TNFAIP8: variants seen among roughly 807,000 people sequenced by gnomAD.
TNFAIP8 encodes the protein tumor necrosis factor alpha-induced protein 8.
In TNFAIP8, 7 loss-of-function variants were observed where a neutral mutation model predicts 13.3. The ratio of observed to expected loss-of-function variants is 0.52; its 90% CI spans 0.30 to 0.99. The LOEUF is 0.99. Ranked by LOEUF, TNFAIP8 falls within the 50% of genes least tolerant of loss-of-function variation. The probability of loss-of-function intolerance (pLI) is 0.07; values close to 1 mark genes in which losing one functional copy is unlikely to be tolerated. For synonymous variants in TNFAIP8, 94 were observed against 87.6 expected, an observed-to-expected ratio of 1.07 and a Z score of -0.41; for missense variants, 258 against 236.9, an observed-to-expected ratio of 1.09 and a Z score of -0.58.
intron 1 of TNFAIP8, among the ~76,000 whole-genome samples, chr5:119,293,926 A>T (rs1749076731): frequency 6.6e-6 from 1 of 152,222 alleles, no homozygotes; most frequent in South Asian, 2.1e-4. Context: ...GCAGCGCTTT[A>T]CAGTGGTGGA....
At chr5:119,368,157 A>T (rs538383819) in intron 1 of TNFAIP8, among the ~76,000 whole-genome samples, 6 of 151,974 alleles carry the variant, frequency 3.9e-5, no homozygotes, top group African/African-American at 1.4e-4. Flanking sequence ...TTGAAATAGC[A>T]TTTTTTTCCC....
chr5:119,335,719 A>C (rs575537423), intron 1 of TNFAIP8, among the ~76,000 whole-genome samples: 1 of 152,130 alleles, frequency 6.6e-6, no homozygotes, highest in African/African-American at 2.4e-5. Flanking sequence ...AAGGCAGTGA[A>C]CAAAGCAGAT....
chr5:119,363,231 G>A (rs191931085), intron 1 of TNFAIP8, among the ~76,000 whole-genome samples: 32 of 152,314 alleles, frequency 2.1e-4, no homozygotes, highest in South Asian at 2.1e-3. Flanking sequence ...AGATTGCTTC[G>A]TCTTCCTTTT....
At chr5:119,292,559 A>T (rs1040717399) in intron 1 of TNFAIP8, among the ~76,000 whole-genome samples, 1 of 148,870 alleles carries the variant, frequency 6.7e-6, no homozygotes, top group Non-Finnish European at 1.5e-5. Context: ...ACTTATAAGC[A>T]AGTGTTAATA....
chr5:119,378,437 C>G (rs1410201486), intron 1 of TNFAIP8, among the ~76,000 whole-genome samples: 1 of 152,172 alleles, frequency 6.6e-6, no homozygotes, highest in East Asian at 1.9e-4. Flanking sequence ...GATCTAGCCT[C>G]CTGACATTAA....
intron 1 of TNFAIP8, among the ~76,000 whole-genome samples, chr5:119,323,197 A>T (rs1007639229): frequency 6.6e-6 from 1 of 152,162 alleles, no homozygotes; most frequent in African/African-American, 2.4e-5. Flanking sequence ...CTAACATCCT[A>T]TGCTGCTATT....
In TNFAIP8 at chr5:119,394,538, G is replaced by A. The variant is rs771221221; in HGVS notation, c.*1157G>A. Reference sequence around the variant, plus strand: ...GTAAAAAAGAAATGAAAATCTGCTGGCCAGCTATGTCCTCTAGGAAATGAC... The same window carrying A: ...GTAAAAAAGAAATGAAAATCTGCTGACCAGCTATGTCCTCTAGGAAATGAC... On this transcript the variant is annotated 3_prime_UTR_variant, in exon 2 of 2. Coordinates refer to ENST00000504771, the MANE Select transcript of TNFAIP8 (RefSeq NM_014350.4). 22 of 151,426 alleles carry A rather than the reference G, an allele frequency of 1.5e-4. No individual in the cohort carries two copies. The highest frequency in any genetic ancestry group is 5.3e-4 in the Admixed American group (8 of 15,214). The allele number at this position is 151,426 out of a possible 1,614,324, so 9.4% of individuals were successfully genotyped here. A position where few individuals can be genotyped will look rare whatever the true frequency, so the allele number is the denominator to read the frequency against.
chr5:119,387,066 TGA>T (rs1352823500), intron 1 of TNFAIP8, among the ~76,000 whole-genome samples: 1 of 151,788 alleles, frequency 6.6e-6, no homozygotes, highest in African/African-American at 2.4e-5. Flanking sequence ...TTTGGGATTT[TGA>T]GTATGAAAGC....
chr5:119,290,921 G>C (rs1748963433), intron 1 of TNFAIP8, among the ~76,000 whole-genome samples: 1 of 152,134 alleles, frequency 6.6e-6, no homozygotes, highest in South Asian at 2.1e-4. Context: ...GAAGGGGTCA[G>C]GGCCTGTAGG....
intron 1 of TNFAIP8, among the ~76,000 whole-genome samples, chr5:119,282,450 G>A (rs1045895938): frequency 6.6e-6 from 1 of 152,146 alleles, no homozygotes; most frequent in Non-Finnish European, 1.5e-5. Context: ...CCCTTCCCCT[G>A]AGCAGAAGGT....
chr5:119,291,832 T>G (rs1748997684), intron 1 of TNFAIP8, among the ~76,000 whole-genome samples: 1 of 152,216 alleles, frequency 6.6e-6, no homozygotes, highest in Non-Finnish European at 1.5e-5. Context: ...GCAAAGACAT[T>G]TTTGCTTTTG....
At chr5:119,348,295 A>C (rs1462960792) in intron 1 of TNFAIP8, among the ~76,000 whole-genome samples, 1 of 152,232 alleles carries the variant, frequency 6.6e-6, no homozygotes, top group East Asian at 1.9e-4. Context: ...GGTCTCCACT[A>C]GGTTGTTGAA....
At chr5:119,277,372 T>G (rs1237136652) in intron 1 of TNFAIP8, among the ~76,000 whole-genome samples, 4 of 152,256 alleles carry the variant, frequency 2.6e-5, no homozygotes, top group Non-Finnish European at 5.9e-5. Context: ...CTTTTGATTT[T>G]TTAGTGTAGA....
intron 1 of TNFAIP8, among the ~76,000 whole-genome samples, chr5:119,390,791 A>G (rs1752862748): frequency 6.6e-6 from 1 of 152,018 alleles, no homozygotes; most frequent in Non-Finnish European, 1.5e-5. Flanking sequence ...TTCAAATCTA[A>G]TTTGGTTCTT....
chr5:119,320,712 C>G (rs781670510), intron 1 of TNFAIP8, among the ~76,000 whole-genome samples: 1 of 151,898 alleles, frequency 6.6e-6, no homozygotes, highest in Non-Finnish European at 1.5e-5. Context: ...CCCCCACCCC[C>G]TCACTTCCCT....
intron 1 of TNFAIP8, among the ~76,000 whole-genome samples, chr5:119,287,715 G>A (rs1372989742): frequency 1.3e-5 from 2 of 152,106 alleles, no homozygotes; most frequent in Non-Finnish European, 2.9e-5. Flanking sequence ...GTAAATATGT[G>A]TTAACGAATG....
At chr5:119,282,106 G>A (rs1158996180) in intron 1 of TNFAIP8, among the ~76,000 whole-genome samples, 4 of 152,182 alleles carry the variant, frequency 2.6e-5, no homozygotes, top group African/African-American at 9.7e-5. Context: ...AGTCAACAGA[G>A]TATGAGCATT....
intron 1 of TNFAIP8, among the ~76,000 whole-genome samples, chr5:119,391,686 G>T (rs543313569): frequency 1.1e-4 from 17 of 151,664 alleles, no homozygotes; most frequent in African/African-American, 3.9e-4. Context: ...TTGAACCCGG[G>T]AGGTGGAGGT....
chr5:119,320,585 AT>A (rs1431861755), intron 1 of TNFAIP8, among the ~76,000 whole-genome samples: 1 of 152,106 alleles, frequency 6.6e-6, no homozygotes, highest in Admixed American at 6.5e-5. Context: ...AAAGACCTCC[AT>A]TTTAACAAAT....
Sources: gnomAD v4.1 joint callset for allele counts (sites outside exome capture counted in the v4.1 genomes callset) on GRCh38, gnomAD v4.1.1 for gene constraint, MANE v1.5 for transcripts, NCBI Gene and HGNC (gene_info 2026-07-23, HGNC 2026-07-21) for gene names.